The following HS6ST2 variants were observed in gnomAD, a reference collection of about 807,000 sequenced individuals.
HS6ST2 encodes heparan-sulfate 6-O-sulfotransferase 2.
Under a neutral mutation model 33.0 loss-of-function variants are expected in HS6ST2, and 17 were observed. The ratio of observed to expected loss-of-function variants is 0.52; its 90% CI spans 0.35 to 0.77. The LOEUF is 0.77. Ranked by LOEUF, HS6ST2 falls within the 30% of genes least tolerant of loss-of-function variation. The pLI is 0.01. For missense variants in HS6ST2, 519 were observed against 551.7 expected, an observed-to-expected ratio of 0.94 and a Z score of 0.59; for synonymous variants, 248 against 237.1, an observed-to-expected ratio of 1.05 and a Z score of -0.42.
intron 4 of HS6ST2, among the ~76,000 whole-genome samples, chrX:132,640,002 G>T (rs950070212): frequency 1.8e-5 from 2 of 111,973 alleles, no homozygotes; most frequent in Admixed American, 9.5e-5. Flanking sequence ...CCAGAAACAG[G>T]CATGTGCAAA....
intron 2 of HS6ST2, among the ~76,000 whole-genome samples, chrX:132,932,543 A>G (rs2066783566): frequency 9.0e-6 from 1 of 111,255 alleles, no homozygotes; most frequent in South Asian, 3.8e-4. Flanking sequence ...GTGGAGGAGA[A>G]TCATTATCCA....
At chrX:132,849,926 A>T (rs772031249) in intron 2 of HS6ST2, among the ~76,000 whole-genome samples, 1 of 112,460 alleles carries the variant, frequency 8.9e-6, no homozygotes, top group South Asian at 3.7e-4. Flanking sequence ...GCAGAAAAGG[A>T]TATCAAAGTC....
intron 2 of HS6ST2, among the ~76,000 whole-genome samples, chrX:132,735,780 C>A (rs2148281948): frequency 8.9e-6 from 1 of 112,153 alleles, no homozygotes; most frequent in Non-Finnish European, 1.9e-5. Context: ...GAGCACTATT[C>A]ATCTTCTCCC....
At chrX:132,808,855 C>A (rs1184408343) in intron 2 of HS6ST2, 7 of 112,131 alleles carry the variant, frequency 6.2e-5, no homozygotes, top group African/African-American at 1.6e-4. Flanking sequence ...GACCATCGCA[C>A]CACTACCTTC....
chrX:132,896,818 T>G (rs1234915229), intron 2 of HS6ST2, among the ~76,000 whole-genome samples: 1 of 112,080 alleles, frequency 8.9e-6, no homozygotes, highest in African/African-American at 3.2e-5. Context: ...CAGTAAATAT[T>G]CTATGATTGG....
chrX:132,958,851 C>A (rs1394867090), upstream of HS6ST2: 7 of 341,559 alleles, frequency 2.0e-5, no homozygotes, highest in Non-Finnish European at 3.5e-5. Flanking sequence ...CATTCTCCAG[C>A]GGAAGCGGGG....
At chrX:132,899,761 A>G (rs1312067929) in intron 2 of HS6ST2, among the ~76,000 whole-genome samples, 1 of 111,913 alleles carries the variant, frequency 8.9e-6, no homozygotes, top group Non-Finnish European at 1.9e-5. Flanking sequence ...ATGGACTGTA[A>G]GCCAAAAATA....
intron 3 of HS6ST2, among the ~76,000 whole-genome samples, chrX:132,685,784 AC>A (rs1186999330): frequency 9.0e-6 from 1 of 111,716 alleles, no homozygotes; most frequent in Non-Finnish European, 1.9e-5. Flanking sequence ...CTCTCAAAGG[AC>A]AAAGATATCT....
At chrX:132,737,909 C>T (rs995177212) in intron 2 of HS6ST2, among the ~76,000 whole-genome samples, 15 of 112,351 alleles carry the variant, frequency 1.3e-4, no homozygotes, top group Non-Finnish European at 1.9e-4. Context: ...CCAGAGAAGA[C>T]GCCTGCAGGG....
intron 2 of HS6ST2, among the ~76,000 whole-genome samples, chrX:132,931,571 T>C (rs1777158345): frequency 8.9e-6 from 1 of 111,814 alleles, no homozygotes; most frequent in Admixed American, 9.5e-5. Context: ...AGTGTCATTT[T>C]GAGAGAAACA....
chrX:132,669,915 G>A (rs1490781283), intron 3 of HS6ST2: 3 of 112,488 alleles, frequency 2.7e-5, no homozygotes, highest in Non-Finnish European at 5.6e-5. Flanking sequence ...TAATTGATTG[G>A]AGTCTTCTTG....
intron 2 of HS6ST2, among the ~76,000 whole-genome samples, chrX:132,905,947 G>A (rs1306701601): frequency 9.0e-6 from 1 of 111,048 alleles, no homozygotes; most frequent in Non-Finnish European, 1.9e-5. Flanking sequence ...GATCACTTGA[G>A]TCTGGGAGGT....
intron 2 of HS6ST2, among the ~76,000 whole-genome samples, chrX:132,736,278 G>C: frequency 8.9e-6 from 1 of 111,741 alleles, no homozygotes; most frequent in Non-Finnish European, 1.9e-5. Flanking sequence ...CTCCAAGTTT[G>C]ACTGATTTAA....
intron 2 of HS6ST2, among the ~76,000 whole-genome samples, chrX:132,710,633 C>CA (rs2064223047): frequency 9.0e-6 from 1 of 111,330 alleles, no homozygotes; most frequent in South Asian, 3.8e-4. Flanking sequence ...GTATGGAGAA[C>CA]ATACTCGATG....
intron 2 of HS6ST2, among the ~76,000 whole-genome samples, chrX:132,897,048 A>C (rs1302409262): frequency 8.9e-6 from 1 of 111,923 alleles, no homozygotes. Context: ...GCTTTGAAGG[A>C]ACATGACATT....
At chrX:132,788,932 C>T (rs1436084896) in intron 2 of HS6ST2, among the ~76,000 whole-genome samples, 1 of 112,592 alleles carries the variant, frequency 8.9e-6, no homozygotes, top group Non-Finnish European at 1.9e-5. Flanking sequence ...TGGAAGCTAG[C>T]AGAGGTTGGT....
chrX:132,696,035 G>A (rs970079807), intron 3 of HS6ST2, among the ~76,000 whole-genome samples: 2 of 111,351 alleles, frequency 1.8e-5, no homozygotes, highest in Non-Finnish European at 1.9e-5. Context: ...GGAAAGGGTC[G>A]GCCAAGCCAG....
chrX:132,698,054 C>G (rs1203838125), intron 3 of HS6ST2, among the ~76,000 whole-genome samples: 1 of 111,613 alleles, frequency 9.0e-6, no homozygotes, highest in African/African-American at 3.3e-5. Context: ...AAGGAGCACA[C>G]AAGGGGTCCT....
chrX:132,924,965 C>T (rs1366917955), intron 2 of HS6ST2, among the ~76,000 whole-genome samples: 1 of 111,298 alleles, frequency 9.0e-6, no homozygotes, highest in Non-Finnish European at 1.9e-5. Flanking sequence ...CCTGTGGTCC[C>T]AGCTACTCAG....
Sources: gnomAD v4.1 joint callset for allele counts (sites outside exome capture counted in the v4.1 genomes callset) on GRCh38, gnomAD v4.1.1 for gene constraint, MANE v1.5 for transcripts, NCBI Gene and HGNC (gene_info 2026-07-23, HGNC 2026-07-21) for gene names.